Variants in C16orf87 observed in about 807,000 individuals in gnomAD.
The protein encoded by C16orf87 is UPF0547 protein C16orf87.
C16orf87 carries 13 observed loss-of-function variants against 21.0 expected under a neutral mutation model. The observed-to-expected ratio is 0.62, with a 90% confidence interval of 0.40 to 0.98. C16orf87 has a LOEUF of 0.98. Among genes scored for constraint, C16orf87 ranks in the 50% least tolerant of loss-of-function variants. C16orf87 has a pLI of 0.00. For synonymous variants in C16orf87, 49 were observed against 60.2 expected (o/e 0.81, Z 0.86); for missense variants, 113 against 180.4 (o/e 0.63, Z 2.14).
intron 3 of C16orf87, among the ~76,000 whole-genome samples, chr16:46,806,948 A>T (rs935697070): frequency 1.3e-5 from 2 of 152,238 alleles, no homozygotes; most frequent in Admixed American, 1.3e-4. Flanking sequence ...AAATGCTCTA[A>T]GAGCAAGGAA....
At chr16:46,809,534 C>T (rs1342279563) in intron 3 of C16orf87, 69 bp downstream of exon 3, 1 of 1,028,506 alleles carries the variant, frequency 9.7e-7, no homozygotes, top group African/African-American at 1.6e-5. Flanking sequence ...CCACTTTCTT[C>T]ACTACTACCT....
intron 3 of C16orf87, among the ~76,000 whole-genome samples, chr16:46,806,255 ATTTTTTTTTT>A (rs765265445): frequency 7.9e-6 from 1 of 125,792 alleles, no homozygotes; most frequent in African/African-American, 3.0e-5. Flanking sequence ...GTCTACATTC[ATTTTTTTTTT>A]TTTTTTTTTT....
chr16:46,815,753 G>A (rs781058865), intron 2 of C16orf87, among the ~76,000 whole-genome samples: 2 of 152,272 alleles, frequency 1.3e-5, no homozygotes, highest in South Asian at 4.1e-4. Flanking sequence ...AAAAAATAAA[G>A]TGTTGGTGAG....
rs1455435354 is a variant in C16orf87, at chr16:46,797,280, C to T, written c.*5672G>A. On this transcript the variant is annotated 3_prime_UTR_variant, in exon 4 of 4. Coordinates refer to ENST00000285697, the MANE Select transcript of C16orf87 (RefSeq NM_001001436.4). The stretch of plus-strand genomic sequence containing the variant: ...GTGGTAAATGTGATAGACTGTTTTC[C>T]TCTTGGGTTCTTAAAAATATCTATG... 6.6e-6 allele frequency: 1 copy of T among 152,110 alleles called. No individual in the cohort carries two copies. The highest frequency in any genetic ancestry group is 1.5e-5 in the Non-Finnish European group (1 of 68,030). The allele number at this position is 152,110 out of a possible 1,614,324, so 9.4% of individuals were successfully genotyped here.
intron 1 of C16orf87, among the ~76,000 whole-genome samples, chr16:46,828,337 C>T (rs1039207695): frequency 2.0e-5 from 3 of 152,016 alleles, no homozygotes; most frequent in African/African-American, 4.8e-5. Context: ...ATTTTATATA[C>T]ATCACATAAA....
At chr16:46,830,881 G>A (rs1389182024) in intron 1 of C16orf87, 2 of 374,626 alleles carry the variant, frequency 5.3e-6, no homozygotes, top group Admixed American at 9.4e-5. Flanking sequence ...CCGCCGCCAG[G>A]TGGACGCTGG....
intron 3 of C16orf87, among the ~76,000 whole-genome samples, chr16:46,804,050 A>C (rs1443537782): frequency 6.6e-6 from 1 of 152,114 alleles, no homozygotes; most frequent in African/African-American, 2.4e-5. Flanking sequence ...GTGATTTTTC[A>C]CTTTTCCTTT....
chr16:46,806,111 A>G (rs1417790990), intron 3 of C16orf87, among the ~76,000 whole-genome samples: 1 of 152,172 alleles, frequency 6.6e-6, no homozygotes, highest in Admixed American at 6.5e-5. Context: ...TTTCACTTCT[A>G]CTTCCAGACA....
chr16:46,815,550 C>CA (rs908771478), intron 2 of C16orf87, among the ~76,000 whole-genome samples: 5 of 151,628 alleles, frequency 3.3e-5, no homozygotes, highest in African/African-American at 4.8e-5. Context: ...ACAACAACAA[C>CA]AAAAAAAATC....
intron 3 of C16orf87, chr16:46,807,997 C>T (rs1156682934): frequency 4.4e-6 from 2 of 455,408 alleles, no homozygotes; most frequent in Admixed American, 2.4e-5. Flanking sequence ...CTTTCAGCTG[C>T]ATTCCCTCTA....
intron 2 of C16orf87, among the ~76,000 whole-genome samples, chr16:46,814,077 T>C (rs1034512762): frequency 2.6e-5 from 4 of 152,200 alleles, no homozygotes; most frequent in Admixed American, 1.3e-4. Context: ...AAGGAAAATA[T>C]ATCTGTGGTG....
chr16:46,806,433 G>A (rs1245923548), intron 3 of C16orf87, among the ~76,000 whole-genome samples: 2 of 151,618 alleles, frequency 1.3e-5, no homozygotes, highest in Non-Finnish European at 2.9e-5. Context: ...AATTTTTTTT[G>A]TATTTTTAGT....
intron 2 of C16orf87, among the ~76,000 whole-genome samples, chr16:46,821,841 C>T (rs1465796295): frequency 6.8e-6 from 1 of 147,960 alleles, no homozygotes. Context: ...AGGCTGCAGA[C>T]TATATGTCCA....
chr16:46,809,800 A>G lies in C16orf87; in HGVS notation c.164-15T>C. The G allele has an allele frequency of 6.4e-7, 1 of 1,560,422 alleles. No individual in the cohort carries two copies. The highest frequency in any genetic ancestry group is 8.8e-7 in the Non-Finnish European group (1 of 1,141,230). On this transcript the variant is annotated splice_polypyrimidine_tract_variant and intron_variant, in intron 2 of 3. Coordinates refer to ENST00000285697, the MANE Select transcript of C16orf87 (RefSeq NM_001001436.4). ...ATGCTTGTTTTCTGTATGGATGAAT[A>G]AAAGTGATATATTTTAGGGCTTAGC...
In C16orf87 at chr16:46,801,564, C is replaced by T. The variant is rs1380584901; in HGVS notation, c.*1388G>A. On this transcript the variant is annotated 3_prime_UTR_variant, in exon 4 of 4. Transcript: ENST00000285697. ...GCATACAAAATAGTTGCAGTAGTAC[C>T]TGCAGATAGATACAGGGATTAAAGG... 1 of 152,290 alleles carries T rather than the reference C, an allele frequency of 6.6e-6. No individual in the cohort carries two copies. Among genetic ancestry groups the T allele is most frequent in the East Asian group, 1.9e-4 (1 of 5,188 alleles). 9.4% of individuals were successfully genotyped at this position (152,290 alleles called of 1,614,324 possible). A position where few individuals can be genotyped will look rare whatever the true frequency, so the allele number is the denominator to read the frequency against.
At chr16:46,809,569 T>C (rs532454287) in intron 3 of C16orf87, 34 bp downstream of exon 3, 23 of 1,504,436 alleles carry the variant, frequency 1.5e-5, no homozygotes, top group Admixed American at 1.8e-5. Context: ...ATCAATTTAA[T>C]ACTTGAAAAA....
chr16:46,815,691 A>ATACCAC (rs1968219401), intron 2 of C16orf87, among the ~76,000 whole-genome samples: 1 of 152,210 alleles, frequency 6.6e-6, no homozygotes, highest in African/African-American at 2.4e-5. Flanking sequence ...CCACAGCAAG[A>ATACCAC]TACCACTTCA....
At chr16:46,811,460 A>G (rs948077627) in intron 2 of C16orf87, among the ~76,000 whole-genome samples, 1 of 150,410 alleles carries the variant, frequency 6.6e-6, no homozygotes, top group Non-Finnish European at 1.5e-5. Flanking sequence ...CTGAGATAGC[A>G]CCATTGTATT....
At chr16:46,807,973 A>G in intron 3 of C16orf87, 1 of 453,642 alleles carries the variant, frequency 2.2e-6, no homozygotes. Flanking sequence ...ACCCACCACC[A>G]GAAGCATTCT....
Sources: allele counts gnomAD v4.1 joint callset (sites outside exome capture counted in the v4.1 genomes callset), GRCh38; gene constraint gnomAD v4.1.1; transcripts MANE v1.5; gene names NCBI Gene and HGNC (gene_info 2026-07-23, HGNC 2026-07-21).